NR1D2: variants seen among roughly 807,000 people sequenced by gnomAD.
NR1D2 encodes nuclear receptor subfamily 1 group D member 2, also known as V-erbA-related protein 1-related.
NR1D2 carries 25 observed loss-of-function variants against 52.2 expected under a neutral mutation model. The ratio of observed to expected loss-of-function variants is 0.48; its 90% CI spans 0.35 to 0.67. NR1D2 has a LOEUF of 0.67. Among genes scored for constraint, NR1D2 ranks in the 30% least tolerant of loss-of-function variants. NR1D2 has a pLI of 0.01. For missense variants in NR1D2, 681 were observed against 707.2 expected, an observed-to-expected ratio of 0.96 and a Z score of 0.42; for synonymous variants, 259 against 230.1, an observed-to-expected ratio of 1.13 and a Z score of -1.14.
In NR1D2 at chr3:23,967,977, T is replaced by C; in HGVS notation, c.1497T>C (p.Ser499=). The change falls in exon 7 of 8, where the codon AGT becomes AGC. Residue 499 remains serine, a synonymous_variant. Coordinates refer to ENST00000312521, the MANE Select transcript of NR1D2 (RefSeq NM_005126.5). The part of the protein sequence containing the change: ...FSEKLNALQL[S]DEEMSLFTAV... ...AGAAGCTAAATGCCCTCCAACTTAG[T>C]GATGAAGAGATGAGTTTGTTTACAG... 1 of 1,614,112 alleles carries C rather than the reference T, an allele frequency of 6.2e-7. No homozygotes were observed. The highest frequency in any genetic ancestry group is 8.5e-7 in the Non-Finnish European group (1 of 1,180,012).
At chr3:23,945,759 G>GCCGCCCGGCGC (rs1705656825) in intron 1 of NR1D2, among the ~76,000 whole-genome samples, 165 bp downstream of exon 1, 1 of 150,310 alleles carries the variant, frequency 6.7e-6, no homozygotes, top group Non-Finnish European at 1.5e-5. Context: ...CGCCCCCCGG[G>GCCGCCCGGCGC]CCGCCCGGCG....
At chr3:23,955,765 A>G (rs551499798) in intron 2 of NR1D2, among the ~76,000 whole-genome samples, 11 of 152,244 alleles carry the variant, frequency 7.2e-5, no homozygotes, top group Non-Finnish European at 1.0e-4. Context: ...GGAGGTTGCA[A>G]TGAGCTGAGA....
intron 1 of NR1D2, among the ~76,000 whole-genome samples, chr3:23,949,702 T>C (rs1352672882): frequency 6.6e-6 from 1 of 152,190 alleles, no homozygotes; most frequent in African/African-American, 2.4e-5. Context: ...GAGTAGAAAT[T>C]ATTTATAACA....
chr3:23,959,563 A>G (rs1706182376), intron 3 of NR1D2, 108 bp from the exon 4 acceptor site: 2 of 952,900 alleles, frequency 2.1e-6, no homozygotes, highest in Non-Finnish European at 3.2e-6. Flanking sequence ...TGAGTCATAT[A>G]CTGGGACTGT....
At chr3:23,967,321 C>G (rs866678815) in intron 6 of NR1D2, among the ~76,000 whole-genome samples, 3 of 149,288 alleles carry the variant, frequency 2.0e-5, no homozygotes, top group Admixed American at 6.7e-5. Context: ...AAAACTCCAT[C>G]TCAAAAAATA....
chr3:23,965,232 A>ATT (rs1706407400), intron 6 of NR1D2, 70 bp downstream of exon 6: 78 of 686,778 alleles, frequency 1.1e-4, no homozygotes, highest in South Asian at 6.0e-4. Flanking sequence ...GGATGTTTTA[A>ATT]TTCTTTTTTT....
intron 7 of NR1D2, among the ~76,000 whole-genome samples, chr3:23,968,725 C>T (rs1017402062): frequency 1.1e-4 from 17 of 152,170 alleles, no homozygotes; most frequent in African/African-American, 3.6e-4. Flanking sequence ...ACAGTTATTT[C>T]TGACAGTACC....
intron 7 of NR1D2, among the ~76,000 whole-genome samples, chr3:23,975,940 G>A (rs1167545542): frequency 6.6e-6 from 1 of 152,078 alleles, no homozygotes; most frequent in East Asian, 1.9e-4. Context: ...AAAACGAAAG[G>A]GCATGAATGG....
chr3:23,950,217 A>G (rs1192146291), intron 1 of NR1D2, among the ~76,000 whole-genome samples: 3 of 152,246 alleles, frequency 2.0e-5, no homozygotes, highest in Non-Finnish European at 4.4e-5. Flanking sequence ...TTCCAATTTT[A>G]TAGAAGACCA....
In NR1D2 at chr3:23,954,650, C is replaced by G; in HGVS notation, c.130C>G (p.Pro44Ala). The G allele has an allele frequency of 6.2e-7, 1 of 1,614,114 alleles. No individual in the cohort carries two copies. ...CTCCTCCTCTTCTGTTCCATCTTCTCCAAATAGCTCTAATTCTGATACCAA... is the reference window on the plus strand; with the variant it reads ...CTCCTCCTCTTCTGTTCCATCTTCTGCAAATAGCTCTAATTCTGATACCAA... ...QSSSSSVPSS[P>A]NSSNSDTNGN... Residue 44 changes from proline (P) to alanine (A), a missense_variant, in exon 2 of 8, where the codon CCA (proline) becomes GCA (alanine). Transcript: ENST00000312521.
At position 23,954,520 on chromosome 3, in the gene NR1D2, T is replaced by G; in HGVS notation, c.17-17T>G. 1 of 1,602,652 alleles carries G rather than the reference T, an allele frequency of 6.2e-7. No individual in the cohort carries two copies. The highest frequency in any genetic ancestry group is 8.5e-7 in the Non-Finnish European group (1 of 1,171,356). The stretch of plus-strand genomic sequence containing the variant: ...TTATCTTGTATCTAATTATGTGATT[T>G]TCCTCCTATTTTCTAGGAGGTGTGA... On this transcript the variant is annotated splice_polypyrimidine_tract_variant and intron_variant, in intron 1 of 7. Transcript: ENST00000312521.
chr3:23,957,539 A>T (rs1706118502), intron 3 of NR1D2, among the ~76,000 whole-genome samples: 1 of 148,854 alleles, frequency 6.7e-6, no homozygotes, highest in Admixed American at 6.7e-5. Context: ...ACATAGTGAA[A>T]CCCTGTCTCT....
intron 3 of NR1D2, among the ~76,000 whole-genome samples, chr3:23,958,774 C>G (rs1706153922): frequency 6.6e-6 from 1 of 151,956 alleles, no homozygotes; most frequent in African/African-American, 2.4e-5. Flanking sequence ...ATGGTGAAAC[C>G]CTGTCTCTAC....
At chr3:23,970,649 A>C (rs1575159049) in intron 7 of NR1D2, among the ~76,000 whole-genome samples, 1 of 152,250 alleles carries the variant, frequency 6.6e-6, no homozygotes, top group Non-Finnish European at 1.5e-5. Context: ...GTAAAAGAAT[A>C]CAGTGCATTC....
rs1192741225 is a variant in NR1D2 at position 23,980,337 on chromosome 3, T to A, written c.*2918T>A. The A allele has an allele frequency of 6.6e-6, 1 of 152,124 alleles. No homozygotes were observed. The highest frequency in any genetic ancestry group is 1.5e-5 in the Non-Finnish European group (1 of 68,004). 9.4% of individuals were successfully genotyped at this position (152,124 alleles called of 1,614,324 possible). A position where few individuals can be genotyped will look rare whatever the true frequency, so the allele number is the denominator to read the frequency against. On this transcript the variant is annotated 3_prime_UTR_variant, in exon 8 of 8. Coordinates refer to ENST00000312521, the MANE Select transcript of NR1D2 (RefSeq NM_005126.5). ...GAGTTTATCACTTAGGATATAGAAT[T>A]TTTTTAGGGGTTGGGGGAGGGGATC...
chr3:23,949,439 T>TAA (rs1705864921), intron 1 of NR1D2, among the ~76,000 whole-genome samples: 1 of 152,202 alleles, frequency 6.6e-6, no homozygotes, highest in Non-Finnish European at 1.5e-5. Context: ...TTTGATGATT[T>TAA]AAACAGTCTT....
At chr3:23,965,458 G>A (rs1421783241) in intron 6 of NR1D2, among the ~76,000 whole-genome samples, 2 of 151,032 alleles carry the variant, frequency 1.3e-5, no homozygotes, top group African/African-American at 2.4e-5. Flanking sequence ...TGTGGCCCAG[G>A]CTGGTCTCAA....
At chr3:23,964,826 G>T in intron 5 of NR1D2, 151 bp from the exon 6 acceptor site, 1 of 564,068 alleles carries the variant, frequency 1.8e-6, no homozygotes, top group Non-Finnish European at 3.1e-6. Context: ...ATGGTGGGCA[G>T]CAAATGGATG....
chr3:23,958,660 A>AG (rs1324599945), intron 3 of NR1D2, among the ~76,000 whole-genome samples: 2 of 151,356 alleles, frequency 1.3e-5, no homozygotes, highest in East Asian at 3.9e-4. Context: ...AAAAAAAAAA[A>AG]AAAAAGCCTG....
Sources: gnomAD v4.1 joint callset for allele counts (sites outside exome capture counted in the v4.1 genomes callset) on GRCh38, gnomAD v4.1.1 for gene constraint, MANE v1.5 for transcripts, NCBI Gene and HGNC (gene_info 2026-07-23, HGNC 2026-07-21) for gene names.